Variants in ZC3H12B observed in about 807,000 individuals in gnomAD.
The protein encoded by ZC3H12B is probable ribonuclease ZC3H12B.
Under a neutral mutation model 43.9 loss-of-function variants are expected in ZC3H12B, and 7 were observed. The ratio of observed to expected loss-of-function variants is 0.16; its 90% CI spans 0.09 to 0.30. The LOEUF (loss-of-function observed/expected upper bound fraction) is 0.30. ZC3H12B is among the 10% of genes least tolerant of loss of function. The pLI, the probability that ZC3H12B is intolerant of heterozygous loss-of-function variation, is 1.00. For synonymous variants in ZC3H12B, 222 were observed against 241.7 expected, an observed-to-expected ratio of 0.92 and a Z score of 0.76; for missense variants, 475 against 670.2, an observed-to-expected ratio of 0.71 and a Z score of 3.22.
chrX:65,329,948 G>A, the ZC3H12B span, among the ~76,000 whole-genome samples: 1 of 112,008 alleles, frequency 8.9e-6, no homozygotes, highest in African/African-American at 3.3e-5. Flanking sequence ...TTTGGTTACT[G>A]TAGACTTGTA....
the ZC3H12B span, among the ~76,000 whole-genome samples, chrX:65,056,809 T>G: frequency 8.9e-6 from 1 of 112,070 alleles, no homozygotes; most frequent in East Asian, 2.8e-4. Flanking sequence ...GATAGTTAGC[T>G]CTTCTGGTTG....
intron 2 of ZC3H12B, among the ~76,000 whole-genome samples, chrX:65,388,918 C>A (rs1415359864): frequency 1.8e-5 from 2 of 111,890 alleles, no homozygotes; most frequent in African/African-American, 6.5e-5. Context: ...GATCCTGTTT[C>A]CTGGGTATCA....
chrX:65,334,295 C>T, the ZC3H12B span, among the ~76,000 whole-genome samples: 2 of 111,918 alleles, frequency 1.8e-5, no homozygotes, highest in South Asian at 7.4e-4. Flanking sequence ...TGTTCACATG[C>T]AGAGTTTCTT....
chrX:65,251,530 C>T, the ZC3H12B span, among the ~76,000 whole-genome samples: 1 of 111,009 alleles, frequency 9.0e-6, no homozygotes, highest in Admixed American at 9.6e-5. Flanking sequence ...TACCTTGGAC[C>T]GTATGGCCAT....
upstream of ZC3H12B, among the ~76,000 whole-genome samples, chrX:65,487,539 T>TA (rs200155661): frequency 0.14 from 15,273 of 106,027 alleles, 2,609 homozygotes; most frequent in African/African-American, 0.55. Context: ...GACTCTGTCT[T>TA]AAAAAAACAA....
chrX:65,163,877 G>T, the ZC3H12B span, among the ~76,000 whole-genome samples: 1 of 112,044 alleles, frequency 8.9e-6, no homozygotes. Context: ...CACGCTGGGA[G>T]ATGTAGACCG....
chrX:65,273,723 G>C, the ZC3H12B span, among the ~76,000 whole-genome samples: 1 of 111,341 alleles, frequency 9.0e-6, no homozygotes, highest in African/African-American at 3.3e-5. Context: ...TGACAAAAAA[G>C]AAAACCCATA....
chrX:65,213,433 G>T, the ZC3H12B span, among the ~76,000 whole-genome samples: 1 of 111,189 alleles, frequency 9.0e-6, no homozygotes, highest in East Asian at 2.8e-4. Context: ...GGGTATACAG[G>T]TTGAGTATGT....
chrX:65,136,258 G>A, the ZC3H12B span, among the ~76,000 whole-genome samples: 1 of 111,477 alleles, frequency 9.0e-6, no homozygotes, highest in Non-Finnish European at 1.9e-5. Context: ...TTCTCACTGA[G>A]CCTCTGTTGA....
chrX:65,250,396 T>A, the ZC3H12B span, among the ~76,000 whole-genome samples: 34 of 112,086 alleles, frequency 3.0e-4, no homozygotes, highest in Admixed American at 1.3e-3. Context: ...ACAATAAACA[T>A]ACATGTGCAT....
chrX:65,265,177 T>G, the ZC3H12B span, among the ~76,000 whole-genome samples: 1 of 112,183 alleles, frequency 8.9e-6, no homozygotes, highest in African/African-American at 3.2e-5. Flanking sequence ...TTCTTCCCTG[T>G]TCAGAGAAAC....
intron 2 of ZC3H12B, among the ~76,000 whole-genome samples, chrX:65,394,260 C>T (rs1416082167): frequency 8.9e-6 from 1 of 112,153 alleles, no homozygotes; most frequent in Non-Finnish European, 1.9e-5. Context: ...GTGTTTTAGC[C>T]ATGAAGTCTT....
the ZC3H12B span, among the ~76,000 whole-genome samples, chrX:65,141,621 C>T: frequency 9.1e-6 from 1 of 110,109 alleles, no homozygotes; most frequent in Non-Finnish European, 1.9e-5. Context: ...GCACCCATCA[C>T]CTGAACAGTA....
chrX:65,132,375 G>A, the ZC3H12B span, among the ~76,000 whole-genome samples: 1 of 110,974 alleles, frequency 9.0e-6, no homozygotes, highest in Non-Finnish European at 1.9e-5. Flanking sequence ...TCCCCTTAAA[G>A]CCTGTTGTGG....
the ZC3H12B span, among the ~76,000 whole-genome samples, chrX:65,102,756 G>C: frequency 9.0e-6 from 1 of 111,476 alleles, no homozygotes; most frequent in African/African-American, 3.3e-5. Flanking sequence ...ATAATTCAAC[G>C]TAAAAATAAA....
At chrX:65,240,244 C>A in the ZC3H12B span, among the ~76,000 whole-genome samples, 12 of 111,589 alleles carry the variant, frequency 1.1e-4, no homozygotes, top group East Asian at 2.8e-3. Flanking sequence ...TTACATAGTC[C>A]CATATTTTTT....
At chrX:65,154,852 TTAAAAA>T in the ZC3H12B span, among the ~76,000 whole-genome samples, 1 of 111,893 alleles carries the variant, frequency 8.9e-6, no homozygotes, top group African/African-American at 3.2e-5. Flanking sequence ...AATAAATTAA[TTAAAAA>T]TAGAAATAAA....
the ZC3H12B span, among the ~76,000 whole-genome samples, chrX:65,262,446 G>C: frequency 9.0e-6 from 1 of 110,989 alleles, no homozygotes; most frequent in African/African-American, 3.3e-5. Context: ...TCTATTTTCT[G>C]AGCCTGCAAT....
chrX:65,284,167 C>T, the ZC3H12B span, among the ~76,000 whole-genome samples: 13 of 107,940 alleles, frequency 1.2e-4, no homozygotes, highest in Non-Finnish European at 2.3e-4. Flanking sequence ...TCATGATAGT[C>T]CTCCTCTATG....
Sources: allele counts gnomAD v4.1 joint callset (sites outside exome capture counted in the v4.1 genomes callset), GRCh38; gene constraint gnomAD v4.1.1; transcripts MANE v1.5; gene names NCBI Gene and HGNC (gene_info 2026-07-23, HGNC 2026-07-21).